Variants in MNS1 observed in about 807,000 individuals in gnomAD.
MNS1 encodes meiosis-specific nuclear structural protein 1.
MNS1 carries 63 observed loss-of-function variants against 72.0 expected under a neutral mutation model. The observed-to-expected ratio is 0.87, with a 90% CI of 0.71 to 1.08. The LOEUF is 1.08. Among genes scored for constraint, MNS1 ranks in the 50% least tolerant of loss-of-function variants. MNS1 has a pLI of 0.00. For synonymous variants in MNS1, 188 were observed against 172.1 expected (o/e 1.09, Z -0.72); for missense variants, 604 against 562.4 (o/e 1.07, Z -0.75).
intron 3 of MNS1, among the ~76,000 whole-genome samples, chr15:56,449,740 TATAGGAACATTTAGCTATTTCTTCTTG>T (rs1482040412): frequency 1.3e-5 from 2 of 152,234 alleles, no homozygotes; most frequent in African/African-American, 4.8e-5. Flanking sequence ...CTTTAAAAGT[TATAGGAACATTTAGCTATTTCTTCTTG>T]TGCCAATCAG....
intron 2 of MNS1, among the ~76,000 whole-genome samples, chr15:56,462,810 ATG>A (rs1399364107): frequency 1.3e-5 from 2 of 152,240 alleles, no homozygotes; most frequent in East Asian, 3.8e-4. Flanking sequence ...ATGGTACTCC[ATG>A]TAAGAAAACA....
chr15:56,449,358 TG>T (rs1411789073), intron 3 of MNS1, among the ~76,000 whole-genome samples: 1 of 150,510 alleles, frequency 6.6e-6, no homozygotes, highest in African/African-American at 2.5e-5. Context: ...TTCATATCAA[TG>T]GGCTTTTTCT....
At chr15:56,456,828 CTT>C (rs2050984531) in intron 2 of MNS1, among the ~76,000 whole-genome samples, 1 of 151,914 alleles carries the variant, frequency 6.6e-6, no homozygotes, top group Non-Finnish European at 1.5e-5. Flanking sequence ...TCTTTTTTCC[CTT>C]ATTCTTTTTC....
At chr15:56,454,679 T>C (rs957975315) in intron 3 of MNS1, among the ~76,000 whole-genome samples, 7 of 152,270 alleles carry the variant, frequency 4.6e-5, no homozygotes, top group African/African-American at 1.4e-4. Flanking sequence ...CAGGCCAGCA[T>C]CTCCTCACAT....
chr15:56,456,093 C>T (rs748168562), intron 3 of MNS1, among the ~76,000 whole-genome samples: 4 of 152,006 alleles, frequency 2.6e-5, no homozygotes, highest in African/African-American at 4.8e-5. Flanking sequence ...CTAGTTATTA[C>T]CTAAGGTTTC....
At chr15:56,448,720 A>G (rs2050925908) in intron 3 of MNS1, among the ~76,000 whole-genome samples, 1 of 151,052 alleles carries the variant, frequency 6.6e-6, no homozygotes, top group South Asian at 2.1e-4. Context: ...TTTTTTTGGT[A>G]GAATGATTTG....
chr15:56,458,816 A>T (rs1421555225), intron 2 of MNS1, among the ~76,000 whole-genome samples: 1 of 152,156 alleles, frequency 6.6e-6, no homozygotes, highest in African/African-American at 2.4e-5. Context: ...ATAATATTCC[A>T]TTGTCTGGAT....
intron 3 of MNS1, among the ~76,000 whole-genome samples, chr15:56,447,999 A>G (rs1445220106): frequency 1.3e-5 from 2 of 152,192 alleles, no homozygotes; most frequent in Non-Finnish European, 2.9e-5. Context: ...ATTGCAGGAT[A>G]TTATTTTAAG....
intron 3 of MNS1, among the ~76,000 whole-genome samples, chr15:56,447,883 C>A (rs1239383520): frequency 6.6e-6 from 1 of 152,166 alleles, no homozygotes; most frequent in Non-Finnish European, 1.5e-5. Context: ...TTCTAGAATT[C>A]ATATAAATGG....
In MNS1 at chr15:56,429,309, C is replaced by T. The variant is rs2050488739; in HGVS notation, c.1396-116G>A. On this transcript the variant is annotated intron_variant, in intron 9 of 9. Transcript: ENST00000260453. ...TATCTCCAAGGTAATGAAATCTATT[C>T]AACAGATTAATGAAACTTTAAAAAA... 7.7e-6 allele frequency: 5 copies of T among 650,634 alleles called. No individual in the cohort carries two copies. The Admixed American group carries it at 1.4e-4, about 18-fold the overall frequency. The allele number at this position is 650,634 out of a possible 1,614,324, so 40.3% of individuals were successfully genotyped here.
In MNS1 at chr15:56,460,340, GAA is replaced by G. The variant is rs1430688390; in HGVS notation, c.225+3684_225+3685del. Among the ~76,000 whole-genome samples, 26 of 150,830 alleles carry G rather than the reference GAA, an allele frequency of 1.7e-4. No homozygotes were observed. In the South Asian group the frequency reaches 2.4e-3, roughly 14 times the overall value. The stretch of plus-strand genomic sequence containing the variant: ...ATAAGGAAGATTTAATCTGTAATTG[GAA>G]AAGCAGAAGTTGTAGCAGCATGCTA... On this transcript the variant is annotated intron_variant, in intron 2 of 9. Coordinates refer to ENST00000260453, the MANE Select transcript of MNS1 (RefSeq NM_018365.4).
chr15:56,443,504 G>A lies in MNS1; in HGVS notation c.937C>T (p.Arg313Cys), dbSNP rs762852213. 8.8e-6 allele frequency: 14 copies of A among 1,599,748 alleles called. No homozygotes were observed. Among genetic ancestry groups the A allele is most frequent in the African/African-American group, 5.4e-5 (4 of 74,034 alleles). ...TQKLEEMLRQ[R>C]EDLEQVRQEL... is the part of the protein sequence containing the mutation. Reference sequence around the variant, plus strand: ...TGTCGCACTTGTTCCAAATCTTCACGTTGCCGCAGCATTTCTTCTAATTTC... The same window carrying A: ...TGTCGCACTTGTTCCAAATCTTCACATTGCCGCAGCATTTCTTCTAATTTC... The change falls in exon 7 of 10, where the codon CGT becomes TGT. Residue 313 changes from arginine to cysteine, a missense_variant. Arg to Cys is a radical substitution (Grantham distance 180). Transcript: ENST00000260453.
intron 7 of MNS1, among the ~76,000 whole-genome samples, chr15:56,439,091 G>C (rs1454248038): frequency 2.6e-5 from 4 of 152,140 alleles, no homozygotes; most frequent in Admixed American, 2.6e-4. Flanking sequence ...AATTCAGCAA[G>C]GTTGTGAGAT....
Position 56,446,871 on chromosome 15 carries a change from A to C in MNS1, c.426T>G (p.Ala142=). ...GTTCATATTTAATGGCATCCTTTTC[A>C]GCAATCTGAGCTGCCCTTTCTTTAT... is the stretch of plus-strand genomic sequence containing the variant. The part of the protein sequence containing the change: ...YMNKERAAQI[A]EKDAIKYEQM... The change falls in exon 4 of 10, where the codon GCT becomes GCG. Residue 142 remains alanine, a synonymous_variant. Transcript: ENST00000260453. 3 of 1,610,524 alleles carry C rather than the reference A, an allele frequency of 1.9e-6. No homozygotes were observed. The highest frequency in any genetic ancestry group is 2.5e-6 in the Non-Finnish European group (3 of 1,178,804).
rs1387713033 is a variant in MNS1, at chr15:56,443,535, C to CAA, written c.904_905dup (p.Leu302PhefsTer2). On this transcript the variant is annotated frameshift_variant and splice_region_variant, in exon 7 of 10. Coordinates refer to ENST00000260453, the MANE Select transcript of MNS1 (RefSeq NM_018365.4). LOFTEE classifies it high-confidence loss of function. ...GCAGCATTTCTTCTAATTTCTGTGT[C>CAA]AACTATTAAATTTTTTAAAAAACAT... 5.0e-6 allele frequency: 8 copies of CAA among 1,584,158 alleles called. No individual in the cohort carries two copies. Among genetic ancestry groups the CAA allele is most frequent in the Non-Finnish European group, 6.8e-6 (8 of 1,171,274 alleles).
chr15:56,451,142 A>G (rs1189693448), intron 3 of MNS1, among the ~76,000 whole-genome samples: 1 of 152,200 alleles, frequency 6.6e-6, no homozygotes, highest in East Asian at 1.9e-4. Flanking sequence ...CAGAGATACA[A>G]TTTGTTCTTC....
chr15:56,450,539 CATAAT>C (rs1236898012), intron 3 of MNS1, among the ~76,000 whole-genome samples: 2 of 152,172 alleles, frequency 1.3e-5, no homozygotes, highest in Non-Finnish European at 2.9e-5. Flanking sequence ...GCTTACTTAA[CATAAT>C]GTTTTCAAGG....
chr15:56,441,855 A>G (rs1279110297), intron 7 of MNS1, among the ~76,000 whole-genome samples: 1 of 151,986 alleles, frequency 6.6e-6, no homozygotes, highest in African/African-American at 2.4e-5. Flanking sequence ...TCTACTAAAA[A>G]TACAAAAGAA....
chr15:56,443,373 C>T, intron 7 of MNS1, 57 bp downstream of exon 7: 1 of 1,276,690 alleles, frequency 7.8e-7, no homozygotes, highest in Non-Finnish European at 1.1e-6. Context: ...TTTTCTGCTT[C>T]ATCTCAAAAT....
Sources: gnomAD v4.1 joint callset for allele counts (sites outside exome capture counted in the v4.1 genomes callset) on GRCh38, gnomAD v4.1.1 for gene constraint, MANE v1.5 for transcripts, NCBI Gene and HGNC (gene_info 2026-07-23, HGNC 2026-07-21) for gene names.